MMP2: variants seen among roughly 807,000 people sequenced by gnomAD.
The protein encoded by MMP2 is 72 kDa type IV collagenase.
A neutral mutation model predicts 74.8 loss-of-function variants in MMP2; 39 were observed. The observed-to-expected ratio is 0.52, with a 90% CI of 0.40 to 0.68. The LOEUF (loss-of-function observed/expected upper bound fraction) is 0.68. Among genes scored for constraint, MMP2 ranks in the 30% least tolerant of loss-of-function variants. The pLI is 0.00. For missense variants in MMP2, 803 were observed against 878.3 expected, an observed-to-expected ratio of 0.91 and a Z score of 1.08; for synonymous variants, 367 against 339.8, an observed-to-expected ratio of 1.08 and a Z score of -0.88.
chr16:55,490,918 A>T (rs993649078), intron 7 of MMP2, among the ~76,000 whole-genome samples: 1 of 152,120 alleles, frequency 6.6e-6, no homozygotes, highest in Admixed American at 6.5e-5. Flanking sequence ...ATGGCTTGAA[A>T]CAAACCCCAT....
intron 7 of MMP2, among the ~76,000 whole-genome samples, chr16:55,491,142 G>A (rs774276349): frequency 6.6e-6 from 1 of 150,898 alleles, no homozygotes; most frequent in African/African-American, 2.4e-5. Flanking sequence ...TCGGCTCACT[G>A]CAACCTCTGC....
At chr16:55,489,854 C>G (rs1282405058) in intron 7 of MMP2, 30 bp downstream of exon 7, 1 of 1,610,970 alleles carries the variant, frequency 6.2e-7, no homozygotes, top group East Asian at 2.2e-5. Flanking sequence ...GGACAGAGAC[C>G]CTGGACATTG....
intron 11 of MMP2, 54 bp from the exon 12 acceptor site, chr16:55,502,725 G>A: frequency 6.6e-7 from 1 of 1,510,966 alleles, no homozygotes; most frequent in East Asian, 2.3e-5. Flanking sequence ...CAGGCCAGGG[G>A]GGAAGTGTCC....
At chr16:55,482,605 A>C (rs1962132046) in intron 1 of MMP2, among the ~76,000 whole-genome samples, 1 of 152,220 alleles carries the variant, frequency 6.6e-6, no homozygotes, top group African/African-American at 2.4e-5. Flanking sequence ...GTATATCTAC[A>C]TTACAGAGTT....
chr16:55,500,004 C>G (rs372282332), intron 11 of MMP2, among the ~76,000 whole-genome samples: 9 of 152,062 alleles, frequency 5.9e-5, no homozygotes, highest in Admixed American at 2.0e-4. Flanking sequence ...GTCTTCTCCC[C>G]CTTCCCTCCT....
chr16:55,496,915 C>A lies in MMP2; in HGVS notation c.1473-11C>A, dbSNP rs1173286058. 1 of 1,613,716 alleles carries A rather than the reference C, an allele frequency of 6.2e-7. No homozygotes were observed. The highest frequency in any genetic ancestry group is 2.2e-5 in the East Asian group (1 of 44,870). ...AGATGTGGTTTCCTGTGCCCCCTTG[C>A]CTCCTGCCAGGTTCATTTGGCGGAC... On this transcript the variant is annotated splice_polypyrimidine_tract_variant and intron_variant, in intron 9 of 12. Transcript: ENST00000219070.
At chr16:55,493,791 A>C (rs1962471825) in intron 9 of MMP2, among the ~76,000 whole-genome samples, 1 of 152,228 alleles carries the variant, frequency 6.6e-6, no homozygotes, top group African/African-American at 2.4e-5. Context: ...AAGAATTGGG[A>C]ACCATAATTC....
chr16:55,483,165 C>T (rs1962152695), intron 2 of MMP2, 30 bp downstream of exon 2: 2 of 1,577,242 alleles, frequency 1.3e-6, no homozygotes, highest in Admixed American at 1.7e-5. Flanking sequence ...GGAGGCAGGG[C>T]CATGGGGCTG....
intron 8 of MMP2, 35 bp from the exon 9 acceptor site, chr16:55,493,123 G>C (rs201211754): frequency 6.2e-7 from 1 of 1,612,186 alleles, no homozygotes; most frequent in South Asian, 1.1e-5. Context: ...AACCTCTGGA[G>C]CTGCAGAGAG....
At chr16:55,489,520 G>C (rs1227446897) in intron 6 of MMP2, 131 bp from the exon 7 acceptor site, 3 of 1,133,960 alleles carry the variant, frequency 2.6e-6, no homozygotes, top group African/African-American at 3.0e-5. Flanking sequence ...GGTGAGATGA[G>C]TCTAAAGATA....
At position 55,502,904 on chromosome 16, in the gene MMP2, CTG is replaced by C. The variant is rs1962706059; in HGVS notation, c.1879+18_1879+19del. The C allele has an allele frequency of 6.3e-7, 1 of 1,599,850 alleles. No individual in the cohort carries two copies. Among genetic ancestry groups the C allele is most frequent in the Non-Finnish European group, 8.6e-7 (1 of 1,168,608 alleles). On this transcript the variant is annotated intron_variant, in intron 12 of 12. Transcript: ENST00000219070. ...CAGGGCGGCGGTGAGCCACCCAGGA[CTG>C]TCTCCGCTTTCTAGGACTCCCCGCC...
rs144990275 is a variant in MMP2, at chr16:55,503,926, G to C, written c.1879+1038G>C. Among the ~76,000 whole-genome samples, 562 of 152,330 alleles carry C rather than the reference G, an allele frequency of 3.7e-3. 4 individuals carry two copies. The highest frequency in any genetic ancestry group is 0.012 in the African/African-American group (515 of 41,584). On this transcript the variant is annotated intron_variant, in intron 12 of 12. Transcript: ENST00000219070. ...CCAGCACTCTGGGAGGCCAAGGCAG[G>C]AGAACTGCTTGAGCGCAGGAGTTTG...
intron 11 of MMP2, among the ~76,000 whole-genome samples, chr16:55,500,055 T>C (rs556813940): frequency 6.7e-5 from 10 of 149,538 alleles, no homozygotes; most frequent in African/African-American, 2.5e-4. Flanking sequence ...ATTCAGAAAC[T>C]CTTTATATCC....
chr16:55,492,157 A>G (rs1962425469), intron 8 of MMP2, among the ~76,000 whole-genome samples: 2 of 152,148 alleles, frequency 1.3e-5, no homozygotes, highest in African/African-American at 4.8e-5. Flanking sequence ...ACTCTTCCCT[A>G]TCCGAACAAT....
Position 55,489,638 on chromosome 16 carries a change from C to T in MMP2, c.1007-13C>T, listed in dbSNP as rs144861909. 5.9e-5 allele frequency: 95 copies of T among 1,613,916 alleles called. No individual in the cohort carries two copies. In the East Asian group the frequency reaches 2.0e-3, roughly 34 times the overall value. On this transcript the variant is annotated splice_polypyrimidine_tract_variant and intron_variant, in intron 6 of 12. Transcript: ENST00000219070. ...TCTTTGCTGCGCCTTGACCCGTATCCCTAACCCCACAGCCATGTCCACTGT... is the reference window on the plus strand; with the variant it reads ...TCTTTGCTGCGCCTTGACCCGTATCTCTAACCCCACAGCCATGTCCACTGT...
chr16:55,489,584 G>C (rs1962348767), intron 6 of MMP2, 67 bp from the exon 7 acceptor site: 2 of 1,590,436 alleles, frequency 1.3e-6, no homozygotes, highest in Non-Finnish European at 1.7e-6. Context: ...TCAGCGTCAT[G>C]TCATTGCTTC....
chr16:55,503,124 G>A (rs188069155), intron 12 of MMP2, among the ~76,000 whole-genome samples: 3 of 152,318 alleles, frequency 2.0e-5, no homozygotes, highest in African/African-American at 7.2e-5. Flanking sequence ...GCAGGGCCTG[G>A]AGCCAGGGCA....
At position 55,479,582 on chromosome 16, in the gene MMP2, A is replaced by G; in HGVS notation, c.103A>G (p.Ile35Val). The G allele has an allele frequency of 6.2e-7, 1 of 1,613,622 alleles. No homozygotes were observed. The highest frequency in any genetic ancestry group is 8.5e-7 in the Non-Finnish European group (1 of 1,179,976). Reference sequence around the variant, plus strand: ...CGCCGCCGCCGCGCCGTCGCCCATCATCAAGTTCCCCGGCGATGTCGCCCC... The same window carrying G: ...CGCCGCCGCCGCGCCGTCGCCCATCGTCAAGTTCCCCGGCGATGTCGCCCC... ...SHAAAAPSPI[I>V]KFPGDVAPKT... The change falls in exon 1 of 13, where the codon ATC becomes GTC. Residue 35 changes from isoleucine to valine, a missense_variant. Physicochemically the swap from Ile to Val is conservative, Grantham distance 29 (BLOSUM62 3). Coordinates refer to ENST00000219070, the MANE Select transcript of MMP2 (RefSeq NM_004530.6).
intron 5 of MMP2, 200 bp from the exon 6 acceptor site, chr16:55,488,343 G>T (rs1962308891): frequency 1.6e-6 from 1 of 615,878 alleles, no homozygotes; most frequent in Admixed American, 2.5e-5. Flanking sequence ...CCCACGGGAG[G>T]GATTGGGATA....
Sources: allele counts gnomAD v4.1 joint callset (sites outside exome capture counted in the v4.1 genomes callset), GRCh38; gene constraint gnomAD v4.1.1; transcripts MANE v1.5; gene names NCBI Gene and HGNC (gene_info 2026-07-23, HGNC 2026-07-21).